SOX5: variants seen among roughly 807,000 people sequenced by gnomAD.
The protein encoded by SOX5 is SRY-box transcription factor 5, also known as transcription factor SOX-5.
SOX5 carries 9 observed loss-of-function variants against 92.0 expected under a neutral mutation model. The ratio of observed to expected loss-of-function variants is 0.10; its 90% confidence interval spans 0.06 to 0.17. The LOEUF (loss-of-function observed/expected upper bound fraction) is 0.17. Among genes scored for constraint, SOX5 ranks in the 10% least tolerant of loss-of-function variants. SOX5 has a pLI of 1.00. For synonymous variants in SOX5, 344 were observed against 336.3 expected (o/e 1.02, Z -0.25); for missense variants, 642 against 944.5 (o/e 0.68, Z 4.20).
chr12:24,114,015 G>T (rs924399439), intron 4 of SOX5, among the ~76,000 whole-genome samples: 1 of 152,130 alleles, frequency 6.6e-6, no homozygotes, highest in South Asian at 2.1e-4. Flanking sequence ...TCCAATAAAA[G>T]ACCTCTCTAT....
At chr12:23,974,206 G>A (rs958186247) in intron 4 of SOX5, among the ~76,000 whole-genome samples, 12 of 152,004 alleles carry the variant, frequency 7.9e-5, no homozygotes, top group Non-Finnish European at 4.4e-5. Context: ...CAGAAATCAC[G>A]CAAAGCAAAA....
chr12:24,286,067 T>A (rs1945826862), intron 2 of SOX5, among the ~76,000 whole-genome samples: 1 of 152,200 alleles, frequency 6.6e-6, no homozygotes, highest in Non-Finnish European at 1.5e-5. Context: ...TGCTTTAATA[T>A]AAAGTTTTAC....
chr12:24,248,909 T>TA (rs1565748246), intron 3 of SOX5, among the ~76,000 whole-genome samples: 1 of 152,210 alleles, frequency 6.6e-6, no homozygotes, highest in African/African-American at 2.4e-5. Flanking sequence ...TGCCGTTCAA[T>TA]TGACTGAAAG....
chr12:24,352,595 T>C (rs973097732), intron 2 of SOX5, among the ~76,000 whole-genome samples: 6 of 152,246 alleles, frequency 3.9e-5, no homozygotes, highest in African/African-American at 1.2e-4. Context: ...AAAGTTATTT[T>C]ACTCAGGCAC....
At chr12:24,181,037 T>C (rs1955443454) in intron 4 of SOX5, among the ~76,000 whole-genome samples, 1 of 152,168 alleles carries the variant, frequency 6.6e-6, no homozygotes, top group Non-Finnish European at 1.5e-5. Flanking sequence ...TATTGCATGG[T>C]TCTCAACACA....
chr12:24,141,631 T>C (rs995568245), intron 4 of SOX5, among the ~76,000 whole-genome samples: 4 of 152,188 alleles, frequency 2.6e-5, no homozygotes, highest in African/African-American at 4.8e-5. Flanking sequence ...AATGGACGGG[T>C]ACCCTCTCTT....
chr12:23,960,739 CAA>C (rs1354061850), intron 4 of SOX5, among the ~76,000 whole-genome samples: 7 of 151,036 alleles, frequency 4.6e-5, no homozygotes, highest in Non-Finnish European at 7.4e-5. Flanking sequence ...AACTGAACAC[CAA>C]TTCATATAGT....
chr12:23,577,323 A>G (rs1257141481), intron 9 of SOX5, among the ~76,000 whole-genome samples: 1 of 149,910 alleles, frequency 6.7e-6, no homozygotes, highest in African/African-American at 2.5e-5. Context: ...CCTCCTGAGT[A>G]GCTGGGACAC....
At chr12:23,547,836 C>A (rs1943425917) in intron 11 of SOX5, among the ~76,000 whole-genome samples, 1 of 152,014 alleles carries the variant, frequency 6.6e-6, no homozygotes, top group Non-Finnish European at 1.5e-5. Context: ...TAGAATCTGA[C>A]TCGATTTGTT....
At chr12:23,620,982 C>A (rs1387447766) in intron 8 of SOX5, among the ~76,000 whole-genome samples, 2 of 152,124 alleles carry the variant, frequency 1.3e-5, no homozygotes, top group Non-Finnish European at 2.9e-5. Context: ...AGAAGACTTG[C>A]AAGAATTTAA....
intron 4 of SOX5, among the ~76,000 whole-genome samples, chr12:24,155,808 G>A (rs11047285): frequency 0.39 from 58,955 of 152,058 alleles, 12,033 homozygotes; most frequent in Non-Finnish European, 0.47. Flanking sequence ...GGAGCAGTTT[G>A]AGGAAGGAGG....
intron 1 of SOX5, among the ~76,000 whole-genome samples, chr12:23,921,385 A>T (rs531523910): frequency 4.5e-4 from 69 of 151,988 alleles, no homozygotes; most frequent in African/African-American, 1.6e-3. Flanking sequence ...TGATCTTTAA[A>T]AAAAAAAAAA....
chr12:24,202,915 T>G (rs1957665933), intron 4 of SOX5, among the ~76,000 whole-genome samples: 1 of 152,214 alleles, frequency 6.6e-6, no homozygotes, highest in Non-Finnish European at 1.5e-5. Flanking sequence ...TTATAATTAA[T>G]AAGTATTTTG....
At chr12:23,590,785 A>T (rs923351321) in intron 9 of SOX5, among the ~76,000 whole-genome samples, 3 of 152,040 alleles carry the variant, frequency 2.0e-5, no homozygotes, top group Admixed American at 1.3e-4. Context: ...TAGAAGGCTC[A>T]TCTGTGAATA....
At chr12:23,863,269 T>C (rs537560201) in intron 2 of SOX5, among the ~76,000 whole-genome samples, 55 of 152,328 alleles carry the variant, frequency 3.6e-4, no homozygotes, top group African/African-American at 1.3e-3. Flanking sequence ...ATGATTAACC[T>C]CAGATTGCAT....
intron 3 of SOX5, among the ~76,000 whole-genome samples, chr12:24,238,482 G>C (rs1431999307): frequency 3.3e-5 from 5 of 152,154 alleles, no homozygotes; most frequent in Non-Finnish European, 7.3e-5. Context: ...CTCCAGAGTA[G>C]GTGGGACTAA....
At chr12:23,966,167 G>A (rs528583205) in intron 4 of SOX5, among the ~76,000 whole-genome samples, 19 of 105,458 alleles carry the variant, frequency 1.8e-4, no homozygotes, top group South Asian at 1.3e-3. Flanking sequence ...CAGAATCCCC[G>A]CCTCCCCAGA....
chr12:23,659,036 G>A (rs2139259123), intron 7 of SOX5, among the ~76,000 whole-genome samples: 1 of 152,286 alleles, frequency 6.6e-6, no homozygotes, highest in South Asian at 2.1e-4. Flanking sequence ...TTTGATAAAA[G>A]CGTACCATGT....
intron 1 of SOX5, among the ~76,000 whole-genome samples, chr12:24,372,951 C>A (rs1462443769): frequency 4.0e-4 from 49 of 122,500 alleles, no homozygotes; most frequent in Admixed American, 5.9e-4. Flanking sequence ...CCATCTCTAC[C>A]AAAAAAAAAA....
Sources: allele counts gnomAD v4.1 joint callset (sites outside exome capture counted in the v4.1 genomes callset), GRCh38; gene constraint gnomAD v4.1.1; transcripts MANE v1.5; gene names NCBI Gene and HGNC (gene_info 2026-07-23, HGNC 2026-07-21).